MLLT3: variants seen among roughly 807,000 people sequenced by gnomAD.
MLLT3 encodes the protein MLLT3 super elongation complex subunit, also known as protein AF-9.
A neutral mutation model predicts 53.2 loss-of-function variants in MLLT3; 4 were observed. The ratio of observed to expected loss-of-function variants is 0.08; its 90% CI spans 0.04 to 0.17. MLLT3 has a LOEUF of 0.17. MLLT3 is among the 10% of genes least tolerant of loss of function. The pLI, the probability that MLLT3 is intolerant of heterozygous loss-of-function variation, is 1.00. For missense variants in MLLT3, 569 were observed against 684.0 expected, an observed-to-expected ratio of 0.83 and a Z score of 1.87; for synonymous variants, 283 against 230.6, an observed-to-expected ratio of 1.23 and a Z score of -2.06.
At chr9:20,349,114 T>C (rs1282934433) in intron 10 of MLLT3, among the ~76,000 whole-genome samples, 1 of 152,150 alleles carries the variant, frequency 6.6e-6, no homozygotes, top group Non-Finnish European at 1.5e-5. Flanking sequence ...AGCTGCCCAG[T>C]AGGTAATTGA....
intron 8 of MLLT3, among the ~76,000 whole-genome samples, chr9:20,355,343 T>G (rs1821145658): frequency 6.6e-6 from 1 of 152,200 alleles, no homozygotes; most frequent in Admixed American, 6.5e-5. Context: ...TACCTAACTT[T>G]CACATTCTAA....
intron 2 of MLLT3, among the ~76,000 whole-genome samples, chr9:20,572,323 G>A (rs535909759): frequency 7.2e-5 from 11 of 152,060 alleles, no homozygotes; most frequent in Admixed American, 2.0e-4. Context: ...AATAATATAC[G>A]GTATATTTCA....
chr9:20,595,839 A>T (rs1376739821), intron 2 of MLLT3, among the ~76,000 whole-genome samples: 1 of 152,226 alleles, frequency 6.6e-6, no homozygotes, highest in African/African-American at 2.4e-5. Context: ...TCTGAATCCC[A>T]CTGTAAAAAG....
At chr9:20,423,319 G>A (rs143934382) in intron 4 of MLLT3, among the ~76,000 whole-genome samples, 57 of 152,232 alleles carry the variant, frequency 3.7e-4, no homozygotes, top group African/African-American at 1.2e-3. Flanking sequence ...ATGGGGGAGA[G>A]GCTCAATGAC....
rs577375108 is a variant in MLLT3, at chr9:20,413,480, A to C, written c.1125+241T>G. 2.6e-5 allele frequency among the ~76,000 whole-genome samples: 4 copies of C among 152,324 alleles called. No homozygotes were observed. In the South Asian group the frequency reaches 6.2e-4, roughly 24 times the overall value. On this transcript the variant is annotated intron_variant, in intron 5 of 10. Transcript: ENST00000380338. ...GCTGCTATTCAAATGACCCATTATA[A>C]TGCTATGGAAATATCTTTCCTTTAA...
intron 2 of MLLT3, among the ~76,000 whole-genome samples, chr9:20,568,001 G>C (rs540286768): frequency 1.3e-5 from 2 of 152,138 alleles, no homozygotes; most frequent in Non-Finnish European, 2.9e-5. Flanking sequence ...TCCATGTTCT[G>C]TGGCTATTCA....
At chr9:20,424,585 G>T (rs1823096600) in intron 4 of MLLT3, among the ~76,000 whole-genome samples, 1 of 152,072 alleles carries the variant, frequency 6.6e-6, no homozygotes, top group East Asian at 1.9e-4. Flanking sequence ...GGAAGAGAGA[G>T]AATTTGAAAT....
intron 5 of MLLT3, among the ~76,000 whole-genome samples, chr9:20,395,745 C>A (rs1822305647): frequency 1.3e-5 from 2 of 152,168 alleles, no homozygotes; most frequent in Non-Finnish European, 2.9e-5. Flanking sequence ...TGGTTCACAA[C>A]CACATATAAT....
In MLLT3 at chr9:20,414,158, T is replaced by C; in HGVS notation, c.688A>G (p.Lys230Glu). The C allele has an allele frequency of 6.2e-6, 10 of 1,614,218 alleles. No homozygotes were observed. The highest frequency in any genetic ancestry group is 8.5e-6 in the Non-Finnish European group (10 of 1,180,032). The change falls in exon 5 of 11, where the codon AAA becomes GAA. Residue 230 changes from lysine to glutamate, a missense_variant. Physicochemically the swap from Lys to Glu is moderately conservative, Grantham distance 56 (BLOSUM62 1). Coordinates refer to ENST00000380338, the MANE Select transcript of MLLT3 (RefSeq NM_004529.4). ...TCTTTGGGTTTCTTAGAGGATTCTT[T>C]GGAAGATTTGTTGTGATCCCTGGAA... ...EPSRDHNKSS[K>E]ESSKKPKENK...
intron 2 of MLLT3, among the ~76,000 whole-genome samples, chr9:20,553,371 C>T (rs559173155): frequency 2.0e-5 from 3 of 152,088 alleles, no homozygotes; most frequent in South Asian, 2.1e-4. Flanking sequence ...CACATTTATT[C>T]GCAGATTCAA....
intron 2 of MLLT3, among the ~76,000 whole-genome samples, chr9:20,526,236 T>C (rs1310478972): frequency 1.3e-5 from 2 of 152,288 alleles, no homozygotes; most frequent in East Asian, 1.9e-4. Flanking sequence ...GCAATGATAA[T>C]AGGTATACAG....
intron 5 of MLLT3, among the ~76,000 whole-genome samples, chr9:20,402,913 G>A (rs1822491366): frequency 6.6e-6 from 1 of 152,156 alleles, no homozygotes; most frequent in East Asian, 1.9e-4. Flanking sequence ...TGGACCAAGA[G>A]GTCACATTGG....
intron 2 of MLLT3, among the ~76,000 whole-genome samples, chr9:20,522,838 G>A (rs1458561276): frequency 6.6e-6 from 1 of 152,152 alleles, no homozygotes; most frequent in Non-Finnish European, 1.5e-5. Context: ...GTGCGTGCCT[G>A]TAGGGCCAGC....
chr9:20,571,902 A>T (rs2131164752), intron 2 of MLLT3, among the ~76,000 whole-genome samples: 1 of 152,354 alleles, frequency 6.6e-6, no homozygotes, highest in South Asian at 2.1e-4. Context: ...TGTGGAGAAA[A>T]GGAAATCCTT....
intron 4 of MLLT3, among the ~76,000 whole-genome samples, chr9:20,436,844 C>G (rs1340455064): frequency 6.6e-6 from 1 of 152,132 alleles, no homozygotes; most frequent in African/African-American, 2.4e-5. Context: ...TGCCCAGAAT[C>G]TAAATGTATT....
chr9:20,567,117 G>GA (rs1224203036), intron 2 of MLLT3, among the ~76,000 whole-genome samples: 1 of 129,548 alleles, frequency 7.7e-6, no homozygotes, highest in Non-Finnish European at 1.6e-5. Flanking sequence ...ACTCATTTTA[G>GA]AAAAAATGCA....
At chr9:20,413,666 C>A (rs1212131275) in intron 5 of MLLT3, 55 bp downstream of exon 5, 41 of 1,430,414 alleles carry the variant, frequency 2.9e-5, no homozygotes, top group Non-Finnish European at 3.7e-5. Context: ...ACAAAGCTAT[C>A]CAAAATAAAA....
At chr9:20,464,103 T>C (rs183209580) in intron 2 of MLLT3, among the ~76,000 whole-genome samples, 2,728 of 152,060 alleles carry the variant, frequency 0.018, 38 homozygotes, top group Non-Finnish European at 0.026. Flanking sequence ...GACAGCCCTC[T>C]GGCATCAAAA....
chr9:20,544,576 G>A (rs1049370261), intron 2 of MLLT3, among the ~76,000 whole-genome samples: 4 of 152,160 alleles, frequency 2.6e-5, no homozygotes, highest in Non-Finnish European at 5.9e-5. Flanking sequence ...TGAAAAAACA[G>A]AAAATAATAG....
Sources: allele counts gnomAD v4.1 joint callset (sites outside exome capture counted in the v4.1 genomes callset), GRCh38; gene constraint gnomAD v4.1.1; transcripts MANE v1.5; gene names NCBI Gene and HGNC (gene_info 2026-07-23, HGNC 2026-07-21).